The following SGO1 variants were observed in gnomAD, a reference collection of about 807,000 sequenced individuals.
SGO1 encodes the protein shugoshin 1.
A neutral mutation model predicts 50.5 loss-of-function variants in SGO1; 39 were observed. The observed-to-expected ratio is 0.77, with a 90% CI of 0.60 to 1.01. SGO1 has a LOEUF of 1.01. Ranked by LOEUF, SGO1 falls within the 50% of genes least tolerant of loss-of-function variation. The pLI is 0.00. For synonymous variants in SGO1, 191 were observed against 205.1 expected (o/e 0.93, Z 0.59); for missense variants, 638 against 606.0 (o/e 1.05, Z -0.55).
chr3:20,170,191 G>C lies in SGO1; in HGVS notation c.*513C>G, dbSNP rs1219801539. 2 of 741,050 alleles carry C rather than the reference G, an allele frequency of 2.7e-6. No homozygotes were observed. The highest frequency in any genetic ancestry group is 1.3e-4 in the East Asian group (1 of 7,764). The allele number at this position is 741,050 out of a possible 1,614,324, so 45.9% of individuals were successfully genotyped here. ...AGGTGGGCAGATCACCTGAGGTTGG[G>C]AGTTTGAGAGCAACCTGACCAACAT... On this transcript the variant is annotated 3_prime_UTR_variant, in exon 8 of 8. Coordinates refer to ENST00000412997, the MANE Select transcript of SGO1 (RefSeq NM_001199251.3).
intron 8 of SGO1, among the ~76,000 whole-genome samples, chr3:20,161,885 T>C (rs1700057282): frequency 6.6e-6 from 1 of 152,144 alleles, no homozygotes; most frequent in African/African-American, 2.4e-5. Flanking sequence ...AGATGGAAAA[T>C]ATTAATCAAC....
At position 20,183,886 on chromosome 3, in the gene SGO1, T is replaced by C. The variant is rs769769630; in HGVS notation, c.142A>G (p.Thr48Ala). ...SFIAAPCQII[T>A]NTSTLLKNYQ... ...AAAGGACAACATAAAAATCTCTTAC[T>C]GATTATTTGGCATGGTGCAGCTATA... The change falls in exon 2 of 8, where the codon ACC (threonine) becomes GCC (alanine). Residue 48 changes from threonine (T) to alanine (A), a missense_variant and splice_region_variant. Physicochemically the swap from Thr to Ala is moderately conservative, Grantham distance 58 (BLOSUM62 0). Coordinates refer to ENST00000412997, the MANE Select transcript of SGO1 (RefSeq NM_001199251.3). 4 of 1,605,280 alleles carry C rather than the reference T, an allele frequency of 2.5e-6. No individual in the cohort carries two copies. The highest frequency in any genetic ancestry group is 3.4e-6 in the Non-Finnish European group (4 of 1,178,018).
In SGO1 at chr3:20,174,740, G is replaced by A. The variant is rs148005116; in HGVS notation, c.791C>T (p.Thr264Met). 20 of 1,613,512 alleles carry A rather than the reference G, an allele frequency of 1.2e-5. No individual in the cohort carries two copies. Among genetic ancestry groups the A allele is most frequent in the Middle Eastern group, 3.3e-4 (2 of 6,082 alleles). Residue 264 changes from threonine (T) to methionine (M), a missense_variant, in exon 6 of 8, where the codon ACG becomes ATG. Physicochemically the swap from Thr to Met is moderately conservative, Grantham distance 81. Coordinates refer to ENST00000412997, the MANE Select transcript of SGO1 (RefSeq NM_001199251.3). ...NLSPKLIQPG[T>M]FTKTKEDILE... ...AATGTCTTCTTTTGTTTTAGTAAAC[G>A]TTCCTGGCTGAATCAGCTTTGGTGA...
intron 3 of SGO1, among the ~76,000 whole-genome samples, chr3:20,182,563 T>C (rs1388314583): frequency 6.6e-6 from 1 of 152,158 alleles, no homozygotes; most frequent in Admixed American, 6.5e-5. Flanking sequence ...CATTACTTTT[T>C]TCGTAAGTAA....
At chr3:20,168,159 A>G (rs1333979563), downstream of SGO1, among the ~76,000 whole-genome samples, 2 of 152,232 alleles carry the variant, frequency 1.3e-5, no homozygotes, top group Admixed American at 1.3e-4. Flanking sequence ...AAACAATTCA[A>G]CACTGATTTT....
intron 3 of SGO1, among the ~76,000 whole-genome samples, chr3:20,182,162 T>C (rs1344215510): frequency 1.3e-5 from 2 of 152,064 alleles, no homozygotes; most frequent in Non-Finnish European, 2.9e-5. Context: ...TTCTCAAATA[T>C]ACCATATATG....
In SGO1 at chr3:20,183,657, T is replaced by C. The variant is rs202028804; in HGVS notation, c.290A>G (p.Tyr97Cys). 1.9e-6 allele frequency: 3 copies of C among 1,609,868 alleles called. No homozygotes were observed. The highest frequency in any genetic ancestry group is 2.5e-6 in the Non-Finnish European group (3 of 1,178,988). The change falls in exon 3 of 8, where the codon TAT becomes TGT. Residue 97 changes from tyrosine to cysteine, a missense_variant. By Grantham distance (194) the Tyr-to-Cys change is radical. Coordinates refer to ENST00000412997, the MANE Select transcript of SGO1 (RefSeq NM_001199251.3). ...KECYYLTCQLYALKGKLTSQQ... is the reference protein window; with the variant it reads ...KECYYLTCQLCALKGKLTSQQ... Reference sequence around the variant, plus strand: ...TGATGTAAGTTTTCCTTTCAATGCATATAGCTGACATGTGAGATAGTAACA... The same window carrying C: ...TGATGTAAGTTTTCCTTTCAATGCACATAGCTGACATGTGAGATAGTAACA...
intron 3 of SGO1, among the ~76,000 whole-genome samples, chr3:20,179,088 C>G (rs1163690846): frequency 1.3e-5 from 2 of 152,002 alleles, no homozygotes; most frequent in Non-Finnish European, 2.9e-5. Flanking sequence ...AGGTCAAGCT[C>G]AAGGACTGAA....
At chr3:20,176,506 T>TA (rs1210472338) in intron 5 of SGO1, 95 bp downstream of exon 5, 357 of 780,582 alleles carry the variant, frequency 4.6e-4, no homozygotes, top group Middle Eastern at 7.4e-4. Context: ...TTTAAAAAGT[T>TA]AAAAAAAAAG....
Position 20,169,753 on chromosome 3 carries a change from A to C in SGO1, c.*951T>G. On this transcript the variant is annotated 3_prime_UTR_variant, in exon 8 of 8. Coordinates refer to ENST00000412997, the MANE Select transcript of SGO1 (RefSeq NM_001199251.3). ...ATACAATTAGAGCTTGGGGTTCACA[A>C]TTAGTCACTTATCTTGTCCCTGAGC... 7 of 929,568 alleles carry C rather than the reference A, an allele frequency of 7.5e-6. No individual in the cohort carries two copies. The highest frequency in any genetic ancestry group is 9.0e-6 in the Non-Finnish European group (7 of 779,080). 57.6% of individuals were successfully genotyped at this position (929,568 alleles called of 1,614,324 possible). A position where few individuals can be genotyped will look rare whatever the true frequency, so the allele number is the denominator to read the frequency against.
At chr3:20,160,997 C>T in exon 9 of SGO1, 2 of 1,508,014 alleles carry the variant, frequency 1.3e-6, no homozygotes, top group Non-Finnish European at 1.8e-6. Flanking sequence ...CTGTCAACAC[C>T]CCTCCATCTC....
chr3:20,178,826 A>C (rs1175278006), intron 3 of SGO1, among the ~76,000 whole-genome samples: 2 of 152,216 alleles, frequency 1.3e-5, no homozygotes, highest in South Asian at 4.1e-4. Context: ...GGAGATGTAC[A>C]TGCAGGGGCC....
At chr3:20,176,150 T>G (rs1219521869) in intron 5 of SGO1, among the ~76,000 whole-genome samples, 1 of 152,220 alleles carries the variant, frequency 6.6e-6, no homozygotes, top group Admixed American at 6.5e-5. Flanking sequence ...CATGGACATA[T>G]CAATTTAAAA....
chr3:20,170,638 A>G lies in SGO1; in HGVS notation c.*66T>C. ...TGGCTCACTCTGTTTGTGTACTCTT[A>G]CAGATCCTCTCCTGAAGCAACAGAA... On this transcript the variant is annotated 3_prime_UTR_variant, in exon 8 of 8. Coordinates refer to ENST00000412997, the MANE Select transcript of SGO1 (RefSeq NM_001199251.3). The G allele has an allele frequency of 6.8e-7, 1 of 1,467,192 alleles. No individual in the cohort carries two copies. Among genetic ancestry groups the G allele is most frequent in the South Asian group, 1.5e-5 (1 of 67,204 alleles). The allele number at this position is 1,467,192 out of a possible 1,614,324, so 90.9% of individuals were successfully genotyped here. A position where few individuals can be genotyped will look rare whatever the true frequency, so the allele number is the denominator to read the frequency against.
chr3:20,182,454 A>C (rs1265727569), intron 3 of SGO1, among the ~76,000 whole-genome samples: 3 of 152,178 alleles, frequency 2.0e-5, no homozygotes, highest in Non-Finnish European at 4.4e-5. Context: ...ACTGGGAAGA[A>C]ATTCAACTTG....
intron 7 of SGO1, 40 bp from the exon 8 acceptor site, chr3:20,170,855 T>G: frequency 6.4e-7 from 1 of 1,570,684 alleles, no homozygotes; most frequent in Non-Finnish European, 8.6e-7. Context: ...AATGTAAGCA[T>G]CCCAATATTA....
chr3:20,184,960 T>C (rs1234417932), intron 1 of SGO1, among the ~76,000 whole-genome samples: 3 of 152,192 alleles, frequency 2.0e-5, no homozygotes, highest in Non-Finnish European at 4.4e-5. Flanking sequence ...TAACAATCTA[T>C]GCACAGAATT....
At chr3:20,162,007 T>C (rs1700064837) in intron 8 of SGO1, among the ~76,000 whole-genome samples, 1 of 152,188 alleles carries the variant, frequency 6.6e-6, no homozygotes, top group South Asian at 2.1e-4. Context: ...AGTTTCAGAA[T>C]TGTGGGACAA....
At chr3:20,176,388 T>C (rs1701393274) in intron 5 of SGO1, among the ~76,000 whole-genome samples, 4 of 152,194 alleles carry the variant, frequency 2.6e-5, no homozygotes, top group Admixed American at 1.3e-4. Flanking sequence ...GCCATAGTTA[T>C]AGCCAAAGAT....
Sources: allele counts gnomAD v4.1 joint callset (sites outside exome capture counted in the v4.1 genomes callset), GRCh38; gene constraint gnomAD v4.1.1; transcripts MANE v1.5; gene names NCBI Gene and HGNC (gene_info 2026-07-23, HGNC 2026-07-21).